Variants in CHN2 observed in about 807,000 individuals in gnomAD.
CHN2 encodes beta-chimaerin.
A neutral mutation model predicts 56.3 loss-of-function variants in CHN2; 35 were observed. That is an observed-to-expected ratio of 0.62 (90% CI 0.47 to 0.82). The LOEUF is 0.82. Ranked by LOEUF, CHN2 falls within the 40% of genes least tolerant of loss-of-function variation. The pLI is 0.00. For missense variants in CHN2, 491 were observed against 580.5 expected, an observed-to-expected ratio of 0.85 and a Z score of 1.58; for synonymous variants, 210 against 212.8, an observed-to-expected ratio of 0.99 and a Z score of 0.12.
chr7:29,349,373 A>G (rs1297468282), intron 1 of CHN2, among the ~76,000 whole-genome samples: 4 of 152,224 alleles, frequency 2.6e-5, no homozygotes, highest in Non-Finnish European at 5.9e-5. Context: ...CTCTCATTGT[A>G]TAGATTTTAA....
intron 7 of CHN2, among the ~76,000 whole-genome samples, chr7:29,488,526 TAAACAAACAAAC>T (rs745641525): frequency 6.6e-6 from 1 of 152,012 alleles, no homozygotes; most frequent in African/African-American, 2.4e-5. Context: ...ATAAAGTAGC[TAAACAAACAAAC>T]AAACAAACAA....
At chr7:29,244,771 C>T (rs1027255334) in intron 1 of CHN2, among the ~76,000 whole-genome samples, 1 of 152,184 alleles carries the variant, frequency 6.6e-6, no homozygotes, top group Non-Finnish European at 1.5e-5. Context: ...TAACGTTGAG[C>T]AAGTTAAATT....
At chr7:29,470,413 T>G (rs1293748271) in intron 6 of CHN2, among the ~76,000 whole-genome samples, 1 of 152,206 alleles carries the variant, frequency 6.6e-6, no homozygotes, top group Non-Finnish European at 1.5e-5. Context: ...CAAGGACTAT[T>G]TTGTTTGGGT....
At chr7:29,419,403 C>T (rs778097130) in intron 6 of CHN2, among the ~76,000 whole-genome samples, 2 of 152,136 alleles carry the variant, frequency 1.3e-5, no homozygotes, top group Non-Finnish European at 2.9e-5. Flanking sequence ...TAGGGGAAAG[C>T]TCCATGATAT....
intron 1 of CHN2, chr7:29,212,804 G>C: frequency 3.7e-6 from 6 of 1,608,326 alleles, no homozygotes; most frequent in Non-Finnish European, 5.1e-6. Flanking sequence ...GACTCGGAAG[G>C]CCTCAGCACC....
intron 6 of CHN2, among the ~76,000 whole-genome samples, chr7:29,406,671 C>T (rs1017821128): frequency 6.6e-6 from 1 of 152,152 alleles, no homozygotes; most frequent in African/African-American, 2.4e-5. Flanking sequence ...CGGGAACCAG[C>T]AGCATCAACA....
At chr7:29,350,587 A>C (rs73684863) in intron 1 of CHN2, among the ~76,000 whole-genome samples, 1,695 of 152,270 alleles carry the variant, frequency 0.011, 35 homozygotes, top group African/African-American at 0.039. Flanking sequence ...CTTCCATGAC[A>C]ACAGCCCTGG....
intron 1 of CHN2, among the ~76,000 whole-genome samples, chr7:29,231,566 C>G (rs1422405047): frequency 1.3e-5 from 2 of 152,140 alleles, no homozygotes; most frequent in Non-Finnish European, 2.9e-5. Context: ...ATATTGTCCT[C>G]AGCAAAGCCC....
chr7:29,246,054 T>C (rs1475178234), intron 1 of CHN2, among the ~76,000 whole-genome samples: 1 of 152,172 alleles, frequency 6.6e-6, no homozygotes, highest in East Asian at 1.9e-4. Flanking sequence ...GAATTTTGTT[T>C]CATTCAGCAA....
intron 2 of CHN2, among the ~76,000 whole-genome samples, chr7:29,178,963 C>A (rs145157580): frequency 1.3e-5 from 2 of 152,248 alleles, no homozygotes; most frequent in East Asian, 3.9e-4. Flanking sequence ...CCAGGCAGGA[C>A]CCCACCTACC....
intron 6 of CHN2, among the ~76,000 whole-genome samples, chr7:29,477,034 T>G (rs7781003): frequency 0.69 from 104,980 of 152,094 alleles, 36,452 homozygotes; most frequent in East Asian, 0.77. Context: ...GCATATAAAA[T>G]AAGGCAAGGA....
chr7:29,382,583 C>T (rs549816931), intron 3 of CHN2, among the ~76,000 whole-genome samples: 1 of 152,194 alleles, frequency 6.6e-6, no homozygotes, highest in Admixed American at 6.5e-5. Context: ...TCTGTGAACA[C>T]CGTGAGCAAT....
chr7:29,218,161 G>A lies in CHN2; in HGVS notation c.49+23171G>A, dbSNP rs1043042286. On this transcript the variant is annotated intron_variant, in intron 1 of 12. Transcript: ENST00000222792. ...CCTGGGTGATGTTAGTCTCATTAGG[G>A]ATTGTGATGTCCCCTCCCACCCATC... Among the ~76,000 whole-genome samples, 5 of 152,186 alleles carry A rather than the reference G, an allele frequency of 3.3e-5. No individual in the cohort carries two copies. In the South Asian group the frequency reaches 1.0e-3, roughly 32 times the overall value.
intron 2 of CHN2, among the ~76,000 whole-genome samples, chr7:29,157,887 A>C (rs191803857): frequency 8.7e-4 from 132 of 152,366 alleles, no homozygotes; most frequent in African/African-American, 3.1e-3. Context: ...GTGCTAATGT[A>C]AAAATGCTCC....
chr7:29,462,214 T>C (rs1416889434), intron 6 of CHN2, among the ~76,000 whole-genome samples: 1 of 152,216 alleles, frequency 6.6e-6, no homozygotes, highest in Non-Finnish European at 1.5e-5. Flanking sequence ...AACAAACATA[T>C]GTGCTTGGTC....
intron 12 of CHN2, among the ~76,000 whole-genome samples, chr7:29,511,606 A>G (rs1562681421): frequency 1.3e-5 from 2 of 152,300 alleles, no homozygotes; most frequent in African/African-American, 4.8e-5. Context: ...TGGCATGTAC[A>G]TGACACAAAC....
At chr7:29,269,944 T>G (rs988875899) in intron 1 of CHN2, among the ~76,000 whole-genome samples, 1 of 152,228 alleles carries the variant, frequency 6.6e-6, no homozygotes, top group African/African-American at 2.4e-5. Flanking sequence ...CCTATCTACC[T>G]ACCTGCTTCT....
chr7:29,250,554 A>G (rs1044635854), intron 1 of CHN2, among the ~76,000 whole-genome samples: 6 of 152,232 alleles, frequency 3.9e-5, no homozygotes, highest in Admixed American at 2.0e-4. Flanking sequence ...TCCTTAAATA[A>G]TACAAAAGTA....
chr7:29,464,005 A>G (rs894114505), intron 6 of CHN2, among the ~76,000 whole-genome samples: 23 of 152,246 alleles, frequency 1.5e-4, no homozygotes, highest in African/African-American at 5.5e-4. Context: ...AAAAGGATAC[A>G]TAACAACCTT....
Sources: gnomAD v4.1 joint callset for allele counts (sites outside exome capture counted in the v4.1 genomes callset) on GRCh38, gnomAD v4.1.1 for gene constraint, MANE v1.5 for transcripts, NCBI Gene and HGNC (gene_info 2026-07-23, HGNC 2026-07-21) for gene names.